Variants in LRRC37A3 observed in about 807,000 individuals in gnomAD.
LRRC37A3 encodes leucine rich repeat containing 37 member A3.
LRRC37A3 carries 25 observed loss-of-function variants against 106.2 expected under a neutral mutation model. That is an observed-to-expected ratio of 0.24 (90% CI 0.17 to 0.33). The LOEUF (loss-of-function observed/expected upper bound fraction) is 0.33, where lower values mean the gene tolerates loss of function less well. Among genes scored for constraint, LRRC37A3 ranks in the 10% least tolerant of loss-of-function variants. The pLI is 1.00. For synonymous variants in LRRC37A3, 305 were observed against 635.8 expected, an observed-to-expected ratio of 0.48 and a Z score of 7.83; for missense variants, 712 against 1,644.9, an observed-to-expected ratio of 0.43 and a Z score of 9.81.
chr17:64,916,331 G>C (rs1393525726), intron 2 of LRRC37A3, among the ~76,000 whole-genome samples: 10 of 152,292 alleles, frequency 6.6e-5, no homozygotes, highest in South Asian at 2.1e-4. Context: ...TGTGAACCCG[G>C]GAGGGGGAGC....
At chr17:64,861,108 C>T (rs1329327176) in intron 11 of LRRC37A3, 135 bp from the exon 12 acceptor site, 14 of 1,433,094 alleles carry the variant, frequency 9.8e-6, no homozygotes, top group Non-Finnish European at 1.4e-5. Context: ...GAGAAACACA[C>T]ACTCAATCCT....
intron 6 of LRRC37A3, among the ~76,000 whole-genome samples, chr17:64,888,270 C>T (rs941132208): frequency 2.7e-5 from 4 of 149,252 alleles, no homozygotes; most frequent in African/African-American, 7.5e-5. Flanking sequence ...CTTTAAAGTC[C>T]TATTCAAATG....
intron 8 of LRRC37A3, chr17:64,871,804 A>G (rs905364138): frequency 1.3e-5 from 2 of 152,154 alleles, no homozygotes; most frequent in Non-Finnish European, 2.9e-5. Context: ...GAGATTTAAA[A>G]TCATGTCGTA....
Position 64,858,831 on chromosome 17 carries a change from A to T in LRRC37A3, c.4757T>A (p.Leu1586Ter). The T allele has an allele frequency of 6.2e-7, 1 of 1,613,868 alleles. No homozygotes were observed. The highest frequency in any genetic ancestry group is 8.5e-7 in the Non-Finnish European group (1 of 1,179,836). ...AATCGTTAGTATTCCAGTCACAATT[A>T]ACGCCAAGATGAGTTTTTTGGTATA... ...YGYTKKLILA[L>*]IVTGILTILI... The change falls in exon 13 of 15, where the codon TTA (leucine) becomes TAA (stop). Residue 1586 changes from leucine (L) to a stop codon, truncating the protein, a stop_gained. Coordinates refer to ENST00000584306, the MANE Select transcript of LRRC37A3 (RefSeq NM_199340.5). LOFTEE classifies it high-confidence loss of function.
intron 8 of LRRC37A3, among the ~76,000 whole-genome samples, chr17:64,874,467 G>A (rs1428363672): frequency 2.0e-5 from 3 of 151,612 alleles, no homozygotes; most frequent in Admixed American, 1.3e-4. Flanking sequence ...GCCCCATCCG[G>A]GAGGGAGGTG....
At chr17:64,855,796 C>T (rs376102988) in intron 14 of LRRC37A3, 44 bp downstream of exon 14, 124 of 1,609,232 alleles carry the variant, frequency 7.7e-5, no homozygotes, top group East Asian at 2.9e-4. Context: ...AGGGAAACTC[C>T]GTCTCAAAAG....
intron 8 of LRRC37A3, among the ~76,000 whole-genome samples, chr17:64,874,658 G>A (rs1973447810): frequency 6.6e-6 from 1 of 152,278 alleles, no homozygotes; most frequent in South Asian, 2.1e-4. Context: ...AATAGAAAAG[G>A]GGGAAATGTG....
chr17:64,862,018 C>T (rs951107217), intron 11 of LRRC37A3, among the ~76,000 whole-genome samples: 1 of 151,842 alleles, frequency 6.6e-6, no homozygotes. Flanking sequence ...CACTTAGCAC[C>T]TCTGATCTTG....
chr17:64,919,107 G>A (rs1974772108), intron 1 of LRRC37A3, among the ~76,000 whole-genome samples: 2 of 151,764 alleles, frequency 1.3e-5, no homozygotes, highest in Non-Finnish European at 2.9e-5. Context: ...CCTGGGCGGC[G>A]GCCCACCTGC....
At chr17:64,880,204 C>CT (rs1973651115) in intron 8 of LRRC37A3, among the ~76,000 whole-genome samples, 1 of 151,886 alleles carries the variant, frequency 6.6e-6, no homozygotes, top group Non-Finnish European at 1.5e-5. Flanking sequence ...CGTGGAGAGA[C>CT]TGAGTGGGAA....
chr17:64,905,237 ATG>A (rs1421057710), intron 2 of LRRC37A3: 1 of 169,746 alleles, frequency 5.9e-6, no homozygotes, highest in Non-Finnish European at 1.2e-5. Flanking sequence ...AAGGCTTGAT[ATG>A]TGTCTGAAAA....
intron 2 of LRRC37A3, among the ~76,000 whole-genome samples, chr17:64,913,294 G>A (rs1974630579): frequency 6.7e-6 from 1 of 149,502 alleles, no homozygotes; most frequent in Admixed American, 6.7e-5. Context: ...CTTCCAAAGT[G>A]CTGGGTTTAC....
In LRRC37A3 at chr17:64,860,510, C is replaced by T; in HGVS notation, c.3636G>A (p.Arg1212=). The T allele has an allele frequency of 6.2e-7, 1 of 1,613,006 alleles. No individual in the cohort carries two copies. The highest frequency in any genetic ancestry group is 8.5e-7 in the Non-Finnish European group (1 of 1,179,852). ...EEKRLGSPAP[R]ELKQPHTQQG... ...GCTGTGTGTGAGGCTGTTTCAGCTC[C>T]CTTGGGGCTGGACTTCCGAGCCTTT... Residue 1212 remains arginine (R), a synonymous_variant, in exon 12 of 15, where the codon AGG becomes AGA. Coordinates refer to ENST00000584306, the MANE Select transcript of LRRC37A3 (RefSeq NM_199340.5).
Position 64,859,650 on chromosome 17 carries a change from C to T in LRRC37A3, c.4496G>A (p.Arg1499Gln), listed in dbSNP as rs1184769025. The T allele has an allele frequency of 9.9e-6, 16 of 1,613,472 alleles. No homozygotes were observed. The highest frequency in any genetic ancestry group is 6.6e-5 in the South Asian group (6 of 91,024). ...NVRRLIAHVI[R>Q]TLKMDCSGAH... Reference sequence around the variant, plus strand: ...CCCAGAGCAGTCCATCTTCAAGGTCCGGATAACATGAGCAATGAGCCTTCT... The same window carrying T: ...CCCAGAGCAGTCCATCTTCAAGGTCTGGATAACATGAGCAATGAGCCTTCT... Residue 1499 changes from arginine (R) to glutamine (Q), a missense_variant, in exon 12 of 15, where the codon CGG becomes CAG. Transcript: ENST00000584306.
rs745433512 is a variant in LRRC37A3 at position 64,860,167 on chromosome 17, C to A, written c.3979G>T (p.Val1327Phe). The A allele has an allele frequency of 2.9e-5, 47 of 1,613,826 alleles. No homozygotes were observed. The Admixed American group carries it at 6.8e-4, about 23-fold the overall frequency. The change falls in exon 12 of 15, where the codon GTC becomes TTC. Residue 1327 changes from valine (V) to phenylalanine (F), a missense_variant. Val to Phe is a conservative substitution (Grantham distance 50, BLOSUM62 -1). Transcript: ENST00000584306. ...CTACTCAGATAACTTTTCTTTCTGACCTTTGGACTCTTTTTGACCTTGGGT... is the reference window on the plus strand; with the variant it reads ...CTACTCAGATAACTTTTCTTTCTGAACTTTGGACTCTTTTTGACCTTGGGT... Reference protein sequence around the residue: ...RTPKVKKSPKVRKKSYLSRLM... With the variant: ...RTPKVKKSPKFRKKSYLSRLM...
chr17:64,916,685 A>G (rs375299871), intron 2 of LRRC37A3, among the ~76,000 whole-genome samples: 11,586 of 94,046 alleles, frequency 0.12, 630 homozygotes, highest in African/African-American at 0.22. Context: ...TTGGGAGGCC[A>G]AGAGGTGGGA....
chr17:64,913,625 C>A (rs1364107989), intron 2 of LRRC37A3, among the ~76,000 whole-genome samples: 1 of 151,916 alleles, frequency 6.6e-6, no homozygotes, highest in Non-Finnish European at 1.5e-5. Context: ...CAGGCATGAG[C>A]CACCATGTCT....
chr17:64,859,344 C>A, intron 12 of LRRC37A3, 98 bp downstream of exon 12: 4 of 1,303,588 alleles, frequency 3.1e-6, no homozygotes, highest in East Asian at 4.6e-5. Flanking sequence ...CCAAGATAAG[C>A]TATGGCCTGG....
intron 10 of LRRC37A3, among the ~76,000 whole-genome samples, chr17:64,866,629 T>TATATATGTATA (rs71236448): frequency 8.6e-4 from 11 of 12,858 alleles, no homozygotes; most frequent in Non-Finnish European, 1.1e-3. Flanking sequence ...TATATATATA[T>TATATATGTATA]TTTTTTTTTT....
Sources: gnomAD v4.1 joint callset for allele counts (sites outside exome capture counted in the v4.1 genomes callset) on GRCh38, gnomAD v4.1.1 for gene constraint, MANE v1.5 for transcripts, NCBI Gene and HGNC (gene_info 2026-07-23, HGNC 2026-07-21) for gene names.